PAH: variants seen among roughly 807,000 people sequenced by gnomAD.
The protein encoded by PAH is phenylalanine-4-hydroxylase.
Under a neutral mutation model 62.0 loss-of-function variants are expected in PAH, and 64 were observed. The ratio of observed to expected loss-of-function variants is 1.03; its 90% CI spans 0.84 to 1.27. The LOEUF (loss-of-function observed/expected upper bound fraction) is 1.27, where lower values mean the gene tolerates loss of function less well. PAH is among the 50% of genes most tolerant of loss of function. The pLI, the probability that PAH is intolerant of heterozygous loss-of-function variation, is 0.00. For synonymous variants in PAH, 195 were observed against 196.2 expected (o/e 0.99, Z 0.05); for missense variants, 579 against 542.8 (o/e 1.07, Z -0.66).
intron 3 of PAH, among the ~76,000 whole-genome samples, chr12:102,892,395 A>T (rs1458689224): frequency 6.6e-6 from 1 of 152,180 alleles, no homozygotes; most frequent in Non-Finnish European, 1.5e-5. Flanking sequence ...AAAAAAAATA[A>T]TTTTTTAAAG....
chr12:102,947,687 T>A (rs1410701456), intron 1 of PAH, among the ~76,000 whole-genome samples: 1 of 152,176 alleles, frequency 6.6e-6, no homozygotes, highest in Non-Finnish European at 1.5e-5. Context: ...TCAAATAAAG[T>A]AGGACCTGAT....
At chr12:102,852,391 A>G (rs916020570) in intron 7 of PAH, 2 of 239,286 alleles carry the variant, frequency 8.4e-6, no homozygotes, top group Non-Finnish European at 1.7e-5. Flanking sequence ...GAAACACCCA[A>G]GTAAGAAGCA....
chr12:102,951,551 G>A (rs1395065087), upstream of PAH, among the ~76,000 whole-genome samples: 1 of 152,154 alleles, frequency 6.6e-6, no homozygotes, highest in Non-Finnish European at 1.5e-5. Flanking sequence ...GCAAAGGGTT[G>A]GGAATTGGGC....
chr12:102,882,620 T>C (rs531139300), intron 3 of PAH, among the ~76,000 whole-genome samples: 59 of 145,064 alleles, frequency 4.1e-4, no homozygotes, highest in African/African-American at 1.4e-3. Flanking sequence ...TATATATCTG[T>C]ATATATATGC....
intron 3 of PAH, among the ~76,000 whole-genome samples, chr12:102,889,441 AGATAGATAGAT>A (rs1036349855): frequency 3.4e-5 from 5 of 148,528 alleles, no homozygotes; most frequent in African/African-American, 7.5e-5. Context: ...ATAGATAGAT[AGATAGATAGAT>A]GATAGATGAT....
At chr12:102,887,538 G>A (rs1877092903) in intron 3 of PAH, among the ~76,000 whole-genome samples, 1 of 152,064 alleles carries the variant, frequency 6.6e-6, no homozygotes, top group African/African-American at 2.4e-5. Flanking sequence ...CAAGTGACCT[G>A]TTATTGGCTG....
chr12:102,914,164 A>G (rs1051653141), intron 1 of PAH, among the ~76,000 whole-genome samples: 7 of 152,220 alleles, frequency 4.6e-5, no homozygotes, highest in African/African-American at 1.4e-4. Context: ...GTGAAGGAAA[A>G]AACAAATTTA....
At chr12:102,955,754 C>T (rs187630853), upstream of PAH, among the ~76,000 whole-genome samples, 1 of 152,138 alleles carries the variant, frequency 6.6e-6, no homozygotes, top group Non-Finnish European at 1.5e-5. Context: ...ACCTCTTAGG[C>T]CCTTTCCTTG....
In PAH at chr12:102,840,523, C is replaced by A. The variant is rs62507261; in HGVS notation, c.1200-8G>T. 6.3e-7 allele frequency: 1 copy of A among 1,591,356 alleles called. No individual in the cohort carries two copies. Among genetic ancestry groups the A allele is most frequent in the Admixed American group, 1.7e-5 (1 of 59,962 alleles). Reference sequence around the variant, plus strand: ...ATTGTGGCAGCAAAGTTCCTAAGACCAAAACCACAGGCTTGAGTGAAGGGC... The same window carrying A: ...ATTGTGGCAGCAAAGTTCCTAAGACAAAAACCACAGGCTTGAGTGAAGGGC... On this transcript the variant is annotated splice_polypyrimidine_tract_variant and splice_region_variant and intron_variant, in intron 11 of 12. Coordinates refer to ENST00000553106, the MANE Select transcript of PAH (RefSeq NM_000277.3).
At chr12:102,877,813 A>G (rs1415921386) in intron 3 of PAH, among the ~76,000 whole-genome samples, 1 of 152,092 alleles carries the variant, frequency 6.6e-6, no homozygotes. Context: ...CCGTCATGGT[A>G]GTTTTCTTTG....
chr12:102,852,091 CTT>C (rs1279437787), intron 7 of PAH: 4 of 303,178 alleles, frequency 1.3e-5, no homozygotes, highest in African/African-American at 8.6e-5. Context: ...GTCATGAACA[CTT>C]CTCATCCTGT....
chr12:102,849,765 A>G (rs911500296), intron 8 of PAH, among the ~76,000 whole-genome samples: 1 of 152,222 alleles, frequency 6.6e-6, no homozygotes, highest in Non-Finnish European at 1.5e-5. Flanking sequence ...GTGAGCCTAG[A>G]GTTTGCCTAC....
chr12:102,877,686 A>G, intron 3 of PAH, 136 bp from the exon 4 acceptor site: 1 of 723,114 alleles, frequency 1.4e-6, no homozygotes, highest in Non-Finnish European at 2.5e-6. Flanking sequence ...CCAAATTACT[A>G]TCGTTCAAAA....
intron 5 of PAH, among the ~76,000 whole-genome samples, chr12:102,856,705 T>A (rs1366710550): frequency 6.6e-6 from 1 of 152,234 alleles, no homozygotes; most frequent in East Asian, 1.9e-4. Flanking sequence ...CCTCCGCTGC[T>A]GACACCCAGG....
At chr12:102,913,927 C>T in intron 1 of PAH, 1 of 678,174 alleles carries the variant, frequency 1.5e-6, no homozygotes, top group Non-Finnish European at 2.7e-6. Context: ...GCAGCAGGTA[C>T]CTAAAACTGG....
chr12:102,927,547 T>C (rs75524977), intron 1 of PAH, among the ~76,000 whole-genome samples: 1 of 152,252 alleles, frequency 6.6e-6, no homozygotes, highest in Non-Finnish European at 1.5e-5. Context: ...TAGAAAAATA[T>C]GCACAAGTAT....
intron 1 of PAH, among the ~76,000 whole-genome samples, chr12:102,915,580 C>T (rs113701093): frequency 6.1e-4 from 93 of 152,320 alleles, no homozygotes; most frequent in African/African-American, 2.2e-3. Context: ...TATATTTCAC[C>T]ATGCTGATCC....
chr12:102,947,405 G>A (rs1380026974), intron 1 of PAH, among the ~76,000 whole-genome samples: 2 of 152,168 alleles, frequency 1.3e-5, no homozygotes, highest in African/African-American at 4.8e-5. Context: ...ATACATCCAT[G>A]GAATATTCCA....
At position 102,943,607 on chromosome 12, in the gene PAH, C is replaced by T. The variant is rs572853230; in HGVS notation, c.-96+6982G>A. Among the ~76,000 whole-genome samples, 14 of 152,162 alleles carry T rather than the reference C, an allele frequency of 9.2e-5. No homozygotes were observed. The South Asian group carries it at 2.7e-3, about 29-fold the overall frequency. On this transcript the variant is annotated intron_variant, in intron 1 of 3. Coordinates refer to the PAH transcript ENST00000546844. ...AATCATTCTACCATAAAGATACCCA[C>T]GTGGACAAGTTTGCTGCAGCATTAT...
Sources: allele counts gnomAD v4.1 joint callset (sites outside exome capture counted in the v4.1 genomes callset), GRCh38; gene constraint gnomAD v4.1.1; transcripts MANE v1.5; gene names NCBI Gene and HGNC (gene_info 2026-07-23, HGNC 2026-07-21).